SMARCA4: variants seen among roughly 807,000 people sequenced by gnomAD.
The protein encoded by SMARCA4 is SWI/SNF related BAF chromatin remodeling complex subunit ATPase 4, also known as SWI/SNF-related matrix-associated actin-dependent regulator of chromatin subfamily A member 4.
In SMARCA4, 31 loss-of-function variants were observed where a neutral mutation model predicts 193.9. The observed-to-expected ratio is 0.16, with a 90% CI of 0.12 to 0.22. The LOEUF (loss-of-function observed/expected upper bound fraction) is 0.22, where lower values mean the gene tolerates loss of function less well. Ranked by LOEUF, SMARCA4 falls within the 10% of genes least tolerant of loss-of-function variation. SMARCA4 has a pLI of 1.00. For synonymous variants in SMARCA4, 942 were observed against 933.1 expected (o/e 1.01, Z -0.17); for missense variants, 1,148 against 2,296.0 (o/e 0.50, Z 10.22).
chr19:11,018,801 C>T (rs1307193520), intron 16 of SMARCA4, 156 bp from the exon 17 acceptor site: 3 of 740,446 alleles, frequency 4.1e-6, no homozygotes, highest in African/African-American at 3.4e-5. Flanking sequence ...CTCTCTTCCT[C>T]CCTCCCTCCC....
intron 15 of SMARCA4, chr19:11,010,817 G>C: frequency 2.1e-6 from 1 of 466,676 alleles, no homozygotes; most frequent in Non-Finnish European, 4.0e-6. Context: ...TCACAGAGGA[G>C]ACGGGGCCAC....
chr19:10,988,632 G>A (rs1393231710), intron 6 of SMARCA4, among the ~76,000 whole-genome samples: 1 of 152,140 alleles, frequency 6.6e-6, no homozygotes, highest in African/African-American at 2.4e-5. Flanking sequence ...TACTCATTCA[G>A]GCCTGATTGC....
At chr19:11,020,882 C>T (rs1293242303) in intron 18 of SMARCA4, 2 of 152,062 alleles carry the variant, frequency 1.3e-5, no homozygotes, top group Non-Finnish European at 2.9e-5. Context: ...AGCTGTCACC[C>T]AGGCTGGAGT....
rs368858706 is a variant in SMARCA4, at chr19:11,028,575, A to G, written c.3382+625A>G. On this transcript the variant is annotated intron_variant, in intron 24 of 34. Transcript: ENST00000344626. ...TCTGTGGTGAGCACGGAGGGAGGGA[A>G]GCAAGCACTGCCAGGCAGGAGCAGC... Among the ~76,000 whole-genome samples the G allele has an allele frequency of 6.6e-5, 10 of 152,294 alleles. No homozygotes were observed. In the East Asian group the frequency reaches 1.2e-3, roughly 18 times the overall value.
intron 29 of SMARCA4, among the ~76,000 whole-genome samples, chr19:11,038,931 A>G (rs2075416106): frequency 6.6e-6 from 1 of 152,224 alleles, no homozygotes; most frequent in Non-Finnish European, 1.5e-5. Context: ...ACAACAATAA[A>G]AAAAGGTGGT....
intron 34 of SMARCA4, 67 bp from the exon 35 acceptor site, chr19:11,061,717 A>G (rs2147155346): frequency 6.9e-7 from 1 of 1,450,350 alleles, no homozygotes; most frequent in South Asian, 1.1e-5. Flanking sequence ...AAAGTTTGGC[A>G]GGTCCCTGGC....
In SMARCA4 at chr19:11,025,627, C is replaced by T. The variant is rs898862466; in HGVS notation, c.3168+119C>T. ...CTCGAATATTTTCATTAGGTAATGC[C>T]TGTACATCTGTCTCTCATTTGGTCT... On this transcript the variant is annotated intron_variant, in intron 22 of 34. Coordinates refer to ENST00000344626, the MANE Select transcript of SMARCA4 (RefSeq NM_003072.5). The T allele has an allele frequency of 1.9e-5, 14 of 752,070 alleles. No individual in the cohort carries two copies. The Admixed American group carries it at 2.7e-4, about 14-fold the overall frequency. The allele number at this position is 752,070 out of a possible 1,614,324, so 46.6% of individuals were successfully genotyped here. A position where few individuals can be genotyped will look rare whatever the true frequency, so the allele number is the denominator to read the frequency against.
intron 32 of SMARCA4, 129 bp downstream of exon 32, chr19:11,059,018 T>A: frequency 1.3e-6 from 1 of 750,374 alleles, no homozygotes; most frequent in Non-Finnish European, 2.3e-6. Flanking sequence ...TTCGTGCCTG[T>A]AATCCCAGCA....
At chr19:11,010,683 T>C in intron 15 of SMARCA4, 152 bp downstream of exon 15, 13 of 784,316 alleles carry the variant, frequency 1.7e-5, no homozygotes, top group Non-Finnish European at 2.8e-5. Flanking sequence ...GGTTTCCCCA[T>C]GTGTAAAGCA....
At chr19:10,967,651 G>T (rs1378789725) in intron 1 of SMARCA4, among the ~76,000 whole-genome samples, 1 of 149,856 alleles carries the variant, frequency 6.7e-6, no homozygotes, top group East Asian at 2.0e-4. Flanking sequence ...TGTTAGTAGG[G>T]TGGAAACCAA....
chr19:10,991,235 G>T lies in SMARCA4; in HGVS notation c.1331G>T (p.Arg444Leu). 1 of 1,613,566 alleles carries T rather than the reference G, an allele frequency of 6.2e-7. No individual in the cohort carries two copies. The highest frequency in any genetic ancestry group is 8.5e-7 in the Non-Finnish European group (1 of 1,179,896). ...LNAKAYKRSK[R>L]QSLREARITE... ...GCTAAGGCCTACAAGCGCAGCAAGCGCCAGTCCCTGCGCGAGGCCCGCATC... is the reference window on the plus strand; with the variant it reads ...GCTAAGGCCTACAAGCGCAGCAAGCTCCAGTCCCTGCGCGAGGCCCGCATC... The change falls in exon 8 of 35, where the codon CGC becomes CTC. Residue 444 changes from arginine to leucine, a missense_variant. Physicochemically the swap from Arg to Leu is moderately radical, Grantham distance 102 (BLOSUM62 -2). This residue lies in a region of SMARCA4 where 69 missense variants were observed against 186.9 expected (regional missense o/e 0.37). Coordinates refer to ENST00000344626, the MANE Select transcript of SMARCA4 (RefSeq NM_003072.5).
chr19:11,059,184 C>A, intron 32 of SMARCA4: 1 of 379,166 alleles, frequency 2.6e-6, no homozygotes, highest in South Asian at 2.8e-5. Flanking sequence ...ATGTATTTAC[C>A]GAAGAAAATA....
rs1447354964 is a variant in SMARCA4 at position 11,030,207 on chromosome 19, T to A, written c.3383-523T>A. ...CCCCCTTTATAAGGTCTCCATGCTT[T>A]TACCGTAGAAGATTCTCTTTGTGAA... is the stretch of plus-strand genomic sequence containing the variant. On this transcript the variant is annotated intron_variant, in intron 24 of 34. Coordinates refer to ENST00000344626, the MANE Select transcript of SMARCA4 (RefSeq NM_003072.5). This position sits in a 1 kb window ranked among gnomAD's most constrained non-coding sequence, Gnocchi z 5.5. Among the ~76,000 whole-genome samples, 1 of 152,196 alleles carries A rather than the reference T, an allele frequency of 6.6e-6. No individual in the cohort carries two copies. Among genetic ancestry groups the A allele is most frequent in the Non-Finnish European group, 1.5e-5 (1 of 68,038 alleles).
At chr19:11,016,361 A>G (rs2089363106) in intron 16 of SMARCA4, among the ~76,000 whole-genome samples, 1 of 152,184 alleles carries the variant, frequency 6.6e-6, no homozygotes, top group Non-Finnish European at 1.5e-5. Flanking sequence ...TGAGGTTTGG[A>G]GGTGCCAGAT....
At chr19:10,971,357 C>T (rs2084655604) in intron 1 of SMARCA4, among the ~76,000 whole-genome samples, 1 of 152,200 alleles carries the variant, frequency 6.6e-6, no homozygotes, top group Non-Finnish European at 1.5e-5. Flanking sequence ...CATGTCACTA[C>T]AGATCTCTGC....
intron 24 of SMARCA4, 100 bp downstream of exon 24, chr19:11,028,050 C>T: frequency 7.5e-7 from 1 of 1,338,586 alleles, no homozygotes; most frequent in Non-Finnish European, 1.1e-6. Flanking sequence ...AGGGTGAGGC[C>T]CAGGCGCTCT....
intron 8 of SMARCA4, among the ~76,000 whole-genome samples, chr19:10,992,613 AG>A (rs889570033): frequency 6.6e-6 from 1 of 150,622 alleles, no homozygotes; most frequent in African/African-American, 2.4e-5. Context: ...TTTGAGACAG[AG>A]TTTCACTCTT....
At position 11,033,543 on chromosome 19, in the gene SMARCA4, C is replaced by T. The variant is rs775329206; in HGVS notation, c.3774+26C>T. 1 of 1,570,354 alleles carries T rather than the reference C, an allele frequency of 6.4e-7. No homozygotes were observed. The highest frequency in any genetic ancestry group is 8.8e-7 in the Non-Finnish European group (1 of 1,141,222). ...GTGAGCCCAGCACCGGCCCCGACCCCTCCCCAGCGTGAATGGTGGACGCGT... is the reference window on the plus strand; with the variant it reads ...GTGAGCCCAGCACCGGCCCCGACCCTTCCCCAGCGTGAATGGTGGACGCGT... On this transcript the variant is annotated intron_variant, in intron 26 of 34. Coordinates refer to ENST00000344626, the MANE Select transcript of SMARCA4 (RefSeq NM_003072.5). This position sits in a 1 kb window ranked among gnomAD's most constrained non-coding sequence, Gnocchi z 9.8.
Position 11,050,611 on chromosome 19 carries a change from C to T in SMARCA4, c.4425-7644C>T, listed in dbSNP as rs148119099. Among the ~76,000 whole-genome samples, 756 of 152,342 alleles carry T rather than the reference C, an allele frequency of 5.0e-3. 5 individuals carry two copies. Among genetic ancestry groups the T allele is most frequent in the African/African-American group, 0.017 (701 of 41,582 alleles). The stretch of plus-strand genomic sequence containing the variant: ...GCTGAAGGCCTGTCTGCACTGTTTC[C>T]CTGCCTTTCCACAAGCACTGTCCCT... On this transcript the variant is annotated intron_variant, in intron 30 of 34. Coordinates refer to ENST00000344626, the MANE Select transcript of SMARCA4 (RefSeq NM_003072.5).
Sources: allele counts gnomAD v4.1 joint callset (sites outside exome capture counted in the v4.1 genomes callset), GRCh38; gene constraint gnomAD v4.1.1; regional missense constraint gnomAD v4.1.1; non-coding constraint Gnocchi (gnomAD v3.1); transcripts MANE v1.5; gene names NCBI Gene and HGNC (gene_info 2026-07-23, HGNC 2026-07-21).